The following NRXN3 variants were observed in gnomAD, a reference collection of about 807,000 sequenced individuals.
The protein encoded by NRXN3 is neurexin 3.
Under a neutral mutation model 137.6 loss-of-function variants are expected in NRXN3, and 32 were observed. That is an observed-to-expected ratio of 0.23 (90% CI 0.18 to 0.31). NRXN3 has a LOEUF of 0.31. Among genes scored for constraint, NRXN3 ranks in the 10% least tolerant of loss-of-function variants. The probability of loss-of-function intolerance (pLI) is 1.00; values close to 1 mark genes in which losing one functional copy is unlikely to be tolerated. For synonymous variants in NRXN3, 798 were observed against 784.5 expected (o/e 1.02, Z -0.29); for missense variants, 1,574 against 2,062.5 (o/e 0.76, Z 4.59).
chr14:78,827,414 C>T (rs2098970074), intron 10 of NRXN3, among the ~76,000 whole-genome samples: 1 of 152,058 alleles, frequency 6.6e-6, no homozygotes, highest in Non-Finnish European at 1.5e-5. Context: ...TATATGGGTC[C>T]AGTGAATCCC....
At chr14:78,873,793 T>C (rs892483748) in intron 10 of NRXN3, among the ~76,000 whole-genome samples, 4 of 152,168 alleles carry the variant, frequency 2.6e-5, no homozygotes, top group African/African-American at 9.7e-5. Flanking sequence ...GTCTCCTCTC[T>C]GACCTACTGG....
At chr14:78,957,187 C>T in intron 10 of NRXN3, 55 bp from the exon 11 acceptor site, 2 of 1,596,458 alleles carry the variant, frequency 1.3e-6, no homozygotes, top group South Asian at 2.2e-5. Flanking sequence ...AACCCTGATG[C>T]ATGAGCACTA....
rs554000682 is a variant in NRXN3, at chr14:79,457,077, T to C, written c.3263-10144T>C. 1.0e-3 allele frequency among the ~76,000 whole-genome samples: 159 copies of C among 152,046 alleles called. 1 individual carries two copies. Among genetic ancestry groups the C allele is most frequent in the African/African-American group, 3.4e-3 (140 of 41,486 alleles). ...AAAAAAAAAAAAAGTTCATTGAAGT[T>C]CTCTAGCCTAGCTTGGGTTAATTGA... is the stretch of plus-strand genomic sequence containing the variant. On this transcript the variant is annotated intron_variant, in intron 15 of 20. Coordinates refer to ENST00000335750, the MANE Select transcript of NRXN3 (RefSeq NM_001330195.2).
chr14:79,514,187 C>T (rs1406976320), intron 16 of NRXN3, among the ~76,000 whole-genome samples: 1 of 134,180 alleles, frequency 7.5e-6, no homozygotes, highest in Admixed American at 7.2e-5. Flanking sequence ...CCACCACCCC[C>T]TCCCCCCGCT....
intron 15 of NRXN3, among the ~76,000 whole-genome samples, chr14:79,389,711 G>C (rs1205241092): frequency 6.6e-6 from 1 of 152,198 alleles, no homozygotes; most frequent in Non-Finnish European, 1.5e-5. Context: ...TTTTGTCTAA[G>C]AGTTGAATAT....
At chr14:79,556,199 A>G (rs923823975) in intron 16 of NRXN3, among the ~76,000 whole-genome samples, 1 of 152,154 alleles carries the variant, frequency 6.6e-6, no homozygotes, top group Non-Finnish European at 1.5e-5. Flanking sequence ...GTCAATACCT[A>G]CAAACATGTC....
intron 19 of NRXN3, among the ~76,000 whole-genome samples, chr14:79,800,654 C>G (rs1224168879): frequency 6.6e-6 from 1 of 152,146 alleles, no homozygotes; most frequent in Non-Finnish European, 1.5e-5. Flanking sequence ...CAACATGAAA[C>G]CTGTTTTACA....
intron 4 of NRXN3, among the ~76,000 whole-genome samples, chr14:78,476,355 G>C (rs1172805031): frequency 6.6e-6 from 1 of 152,178 alleles, no homozygotes; most frequent in African/African-American, 2.4e-5. Context: ...TCTCCAAGGA[G>C]GTGATATTAA....
At chr14:79,587,710 T>C (rs1330212265) in intron 16 of NRXN3, among the ~76,000 whole-genome samples, 1 of 152,206 alleles carries the variant, frequency 6.6e-6, no homozygotes, top group African/African-American at 2.4e-5. Context: ...CACAAATACA[T>C]ATGATCAATA....
At chr14:78,411,920 T>A (rs2092853700) in intron 4 of NRXN3, among the ~76,000 whole-genome samples, 1 of 152,250 alleles carries the variant, frequency 6.6e-6, no homozygotes. Flanking sequence ...TATGTGTCTA[T>A]GTTTTCATTT....
intron 19 of NRXN3, among the ~76,000 whole-genome samples, chr14:79,738,089 G>A (rs2098948350): frequency 6.6e-6 from 1 of 152,120 alleles, no homozygotes; most frequent in Non-Finnish European, 1.5e-5. Context: ...ATGTCACCAT[G>A]CATGTCTTGA....
intron 1 of NRXN3, among the ~76,000 whole-genome samples, chr14:78,177,646 A>G (rs1454968282): frequency 6.6e-6 from 1 of 152,146 alleles, no homozygotes; most frequent in African/African-American, 2.4e-5. Flanking sequence ...TTTCTCTTAA[A>G]GGAATAGAGA....
At chr14:79,356,970 T>C (rs944137335) in intron 15 of NRXN3, among the ~76,000 whole-genome samples, 1 of 152,148 alleles carries the variant, frequency 6.6e-6, no homozygotes, top group Non-Finnish European at 1.5e-5. Flanking sequence ...TCAAGTGATC[T>C]GCCCACCTCG....
intron 15 of NRXN3, among the ~76,000 whole-genome samples, chr14:79,242,172 G>T (rs369374261): frequency 6.6e-6 from 1 of 152,226 alleles, no homozygotes. Context: ...GTCATGTAAC[G>T]TGTATAAGGT....
intron 4 of NRXN3, among the ~76,000 whole-genome samples, chr14:78,585,625 T>G (rs1239437177): frequency 6.6e-6 from 1 of 151,848 alleles, no homozygotes; most frequent in Non-Finnish European, 1.5e-5. Flanking sequence ...AAGCTATGCT[T>G]GATGGGGTTG....
At chr14:78,549,209 T>C (rs1039491156) in intron 4 of NRXN3, among the ~76,000 whole-genome samples, 3 of 152,224 alleles carry the variant, frequency 2.0e-5, no homozygotes, top group African/African-American at 7.2e-5. Context: ...AGAGGATGCT[T>C]TGTCCTTCAC....
intron 15 of NRXN3, among the ~76,000 whole-genome samples, chr14:79,444,148 G>A (rs1315069463): frequency 3.3e-5 from 5 of 152,176 alleles, no homozygotes; most frequent in African/African-American, 1.2e-4. Flanking sequence ...CAGAGCAAAA[G>A]AAAGAATAGG....
At chr14:79,722,197 G>A (rs1484961070) in intron 19 of NRXN3, among the ~76,000 whole-genome samples, 1 of 151,868 alleles carries the variant, frequency 6.6e-6, no homozygotes, top group African/African-American at 2.4e-5. Context: ...CATCATCACT[G>A]CCATTGTGTT....
chr14:78,232,553 G>T (rs1486849192), intron 1 of NRXN3, among the ~76,000 whole-genome samples: 1 of 152,080 alleles, frequency 6.6e-6, no homozygotes, highest in Non-Finnish European at 1.5e-5. Context: ...TGTCCTCTAG[G>T]GCTGAATAAT....
Sources: gnomAD v4.1 joint callset for allele counts (sites outside exome capture counted in the v4.1 genomes callset) on GRCh38, gnomAD v4.1.1 for gene constraint, MANE v1.5 for transcripts, NCBI Gene and HGNC (gene_info 2026-07-23, HGNC 2026-07-21) for gene names.